SOS1: variants seen among roughly 807,000 people sequenced by gnomAD.
SOS1 encodes SOS Ras/Rac guanine nucleotide exchange factor 1.
In SOS1, 25 loss-of-function variants were observed where a neutral mutation model predicts 157.6. The ratio of observed to expected loss-of-function variants is 0.16; its 90% CI spans 0.12 to 0.22. The LOEUF is 0.22. Ranked by LOEUF, SOS1 falls within the 10% of genes least tolerant of loss-of-function variation. The pLI, the probability that SOS1 is intolerant of heterozygous loss-of-function variation, is 1.00. For missense variants in SOS1, 1,237 were observed against 1,599.1 expected (o/e 0.77, Z 3.86); for synonymous variants, 528 against 534.0 (o/e 0.99, Z 0.16).
chr2:39,018,761 T>C (rs1572826828), intron 10 of SOS1, among the ~76,000 whole-genome samples: 2 of 151,766 alleles, frequency 1.3e-5, no homozygotes, highest in East Asian at 3.8e-4. Flanking sequence ...AAAACACTGT[T>C]ATAATCAGGA....
chr2:39,003,525 T>C (rs751390519), intron 17 of SOS1, among the ~76,000 whole-genome samples: 2 of 152,186 alleles, frequency 1.3e-5, no homozygotes, highest in Non-Finnish European at 2.9e-5. Flanking sequence ...TCATATTTTG[T>C]AAACATGATT....
Position 39,120,947 on chromosome 2 carries a change from T to A in SOS1, c.-525A>T, listed in dbSNP as rs1408964874. ...AAGGGGAAGGACCGGAGGTCGTTGT[T>A]GGGGAATCTGGCTGCCCTGAGGTGC... On this transcript the variant is annotated 5_prime_UTR_variant, in exon 1 of 23. Coordinates refer to ENST00000402219, the MANE Select transcript of SOS1 (RefSeq NM_005633.4). 6.0e-6 allele frequency: 1 copy of A among 167,254 alleles called. No individual in the cohort carries two copies. The highest frequency in any genetic ancestry group is 1.3e-5 in the Non-Finnish European group (1 of 79,508). The allele number at this position is 167,254 out of a possible 1,614,324, so 10.4% of individuals were successfully genotyped here. A position where few individuals can be genotyped will look rare whatever the true frequency, so the allele number is the denominator to read the frequency against.
chr2:39,113,401 T>C (rs1420420574), intron 1 of SOS1, among the ~76,000 whole-genome samples: 1 of 151,470 alleles, frequency 6.6e-6, no homozygotes, highest in Non-Finnish European at 1.5e-5. Context: ...TCTCACTATG[T>C]GGCCTAGGCT....
At chr2:39,027,551 C>T (rs1028322007) in intron 8 of SOS1, among the ~76,000 whole-genome samples, 20 of 152,134 alleles carry the variant, frequency 1.3e-4, no homozygotes, top group African/African-American at 4.8e-4. Context: ...CAATATAATT[C>T]AAGCTAACTA....
chr2:39,099,846 C>T (rs1000210290), intron 1 of SOS1, among the ~76,000 whole-genome samples: 6 of 152,162 alleles, frequency 3.9e-5, no homozygotes, highest in African/African-American at 1.4e-4. Flanking sequence ...TCAAGTGATG[C>T]TCCTGCCTCA....
At chr2:39,064,157 T>C (rs1003811346) in intron 2 of SOS1, among the ~76,000 whole-genome samples, 2 of 152,156 alleles carry the variant, frequency 1.3e-5, no homozygotes, top group Non-Finnish European at 2.9e-5. Context: ...ACTCCTTAAA[T>C]TGATGTATAA....
chr2:39,065,183 G>C (rs1207604941), intron 2 of SOS1, among the ~76,000 whole-genome samples: 1 of 152,138 alleles, frequency 6.6e-6, no homozygotes, highest in African/African-American at 2.4e-5. Flanking sequence ...CTTTGTAAGT[G>C]TATTAAAGAA....
chr2:38,993,844 A>G (rs987826706), intron 20 of SOS1: 2 of 152,238 alleles, frequency 1.3e-5, no homozygotes, highest in Admixed American at 6.5e-5. Context: ...GAGCTAAGAT[A>G]GCCAACGGTA....
chr2:39,089,404 C>T (rs1672497577), intron 1 of SOS1, among the ~76,000 whole-genome samples: 1 of 151,876 alleles, frequency 6.6e-6, no homozygotes, highest in Non-Finnish European at 1.5e-5. Flanking sequence ...TGGTGGCACA[C>T]ACCTGTAATC....
intron 1 of SOS1, among the ~76,000 whole-genome samples, chr2:39,099,002 A>G (rs1025509307): frequency 1.3e-5 from 2 of 152,270 alleles, no homozygotes; most frequent in Admixed American, 6.5e-5. Context: ...CAATATGCAC[A>G]TGAAAAAATG....
chr2:39,096,074 A>T (rs767168896), intron 1 of SOS1, among the ~76,000 whole-genome samples: 4 of 152,220 alleles, frequency 2.6e-5, no homozygotes, highest in Non-Finnish European at 4.4e-5. Context: ...ACTAAGGTGA[A>T]GGGCTAAGGA....
chr2:39,023,177 T>C lies in SOS1; in HGVS notation c.1251A>G (p.Leu417=). 6.2e-7 allele frequency: 1 copy of C among 1,613,324 alleles called. No individual in the cohort carries two copies. Among genetic ancestry groups the C allele is most frequent in the Non-Finnish European group, 8.5e-7 (1 of 1,179,538 alleles). The change falls in exon 10 of 23, where the codon CTA becomes CTG. Residue 417 remains leucine (L), a synonymous_variant. Transcript: ENST00000402219. The part of the protein sequence containing the change: ...FYSQQMKGKQ[L]AIKKMNEIQK... ...GAATCTCGTTCATCTTCTTGATTGC[T>C]AGTTGTTTCCCCTTCATTTGCTGAC...
chr2:39,087,495 T>C (rs1026842069), intron 1 of SOS1, among the ~76,000 whole-genome samples: 8 of 152,198 alleles, frequency 5.3e-5, no homozygotes, highest in African/African-American at 1.9e-4. Context: ...CCTGCTCTTT[T>C]CTTGGAGACT....
At chr2:39,038,350 A>G (rs2124568762) in intron 6 of SOS1, among the ~76,000 whole-genome samples, 1 of 152,298 alleles carries the variant, frequency 6.6e-6, no homozygotes, top group East Asian at 1.9e-4. Context: ...GAGAAATAGG[A>G]TTAGAAGTGG....
chr2:39,046,543 C>T (rs1473872984), intron 6 of SOS1, among the ~76,000 whole-genome samples: 58 of 139,948 alleles, frequency 4.1e-4, no homozygotes, highest in Admixed American at 1.0e-3. Flanking sequence ...CTCGCTCTGT[C>T]GCCCAGGCTG....
chr2:39,029,931 T>A (rs1670097856), intron 8 of SOS1, among the ~76,000 whole-genome samples: 1 of 151,834 alleles, frequency 6.6e-6, no homozygotes, highest in East Asian at 1.9e-4. Context: ...CTTTGGGAGG[T>A]CTAGGTGGGA....
At chr2:39,124,343 C>T (rs1235392100), upstream of SOS1, 2 of 152,324 alleles carry the variant, frequency 1.3e-5, no homozygotes, top group Non-Finnish European at 2.9e-5. Flanking sequence ...GCAGAGGCTT[C>T]TTTTCGCTTC....
chr2:39,044,864 G>GCGCAAACACACACA (rs147443441), intron 6 of SOS1, among the ~76,000 whole-genome samples: 1 of 147,660 alleles, frequency 6.8e-6, no homozygotes, highest in Non-Finnish European at 1.5e-5. Context: ...GCGCGCGCGC[G>GCGCAAACACACACA]CACACACACA....
intron 21 of SOS1, 41 bp from the exon 22 acceptor site, chr2:38,987,632 TTTA>T: frequency 1.1e-6 from 1 of 901,032 alleles, no homozygotes; most frequent in Non-Finnish European, 1.8e-6. Flanking sequence ...CCACAGGAAT[TTTA>T]TTTCATTTAT....
Sources: gnomAD v4.1 joint callset for allele counts (sites outside exome capture counted in the v4.1 genomes callset) on GRCh38, gnomAD v4.1.1 for gene constraint, MANE v1.5 for transcripts, NCBI Gene and HGNC (gene_info 2026-07-23, HGNC 2026-07-21) for gene names.